Variants in SPPL2B observed in about 807,000 individuals in gnomAD.
SPPL2B encodes signal peptide peptidase like 2B.
SPPL2B carries 39 observed loss-of-function variants against 59.7 expected under a neutral mutation model. The ratio of observed to expected loss-of-function variants is 0.65; its 90% CI spans 0.51 to 0.85. The LOEUF is 0.85. Among genes scored for constraint, SPPL2B ranks in the 40% least tolerant of loss-of-function variants. The pLI is 0.00. For synonymous variants in SPPL2B, 419 were observed against 370.8 expected, an observed-to-expected ratio of 1.13 and a Z score of -1.49; for missense variants, 865 against 849.0, an observed-to-expected ratio of 1.02 and a Z score of -0.23.
rs201607701 is a variant in SPPL2B, at chr19:2,351,485, G to T, written c.1406G>T (p.Arg469Leu). Residue 469 changes from arginine (R) to leucine (L), a missense_variant, in exon 14 of 15, where the codon CGT (arginine) becomes CTT (leucine). Coordinates refer to ENST00000613503, the MANE Select transcript of SPPL2B (RefSeq NM_152988.3). ...TTCGTGGCACTGGCCCTGATGCAGC[G>T]TGGCCAGCCCGCTCTCCTCTACCTG... is the stretch of plus-strand genomic sequence containing the variant. ...VTFVALALMQ[R>L]GQPALLYLVP... The T allele has an allele frequency of 3.1e-6, 5 of 1,610,162 alleles. No homozygotes were observed. The highest frequency in any genetic ancestry group is 4.2e-6 in the Non-Finnish European group (5 of 1,179,316).
intron 14 of SPPL2B, 82 bp from the exon 15 acceptor site, chr19:2,352,864 G>A (rs1970001255): frequency 3.3e-6 from 5 of 1,493,570 alleles, no homozygotes; most frequent in South Asian, 2.4e-5. Context: ...CGTGGCCTGC[G>A]GGTGCTGGGT....
Position 2,344,538 on chromosome 19 carries a change from T to C in SPPL2B, c.1177-15T>C. 2.5e-6 allele frequency: 4 copies of C among 1,607,028 alleles called. No homozygotes were observed. The highest frequency in any genetic ancestry group is 1.3e-5 in the African/African-American group (1 of 74,874). ...GAGGGTCCTGGAGGACATTGTCCTCTTCCCGTCTTTGCAGCTGCCCATGGT... is the reference window on the plus strand; with the variant it reads ...GAGGGTCCTGGAGGACATTGTCCTCCTCCCGTCTTTGCAGCTGCCCATGGT... On this transcript the variant is annotated splice_polypyrimidine_tract_variant and intron_variant, in intron 11 of 14. Coordinates refer to ENST00000613503, the MANE Select transcript of SPPL2B (RefSeq NM_152988.3).
At position 2,353,799 on chromosome 19, in the gene SPPL2B, TG is replaced by T. The variant is rs1970057058; in HGVS notation, c.*594del. On this transcript the variant is annotated 3_prime_UTR_variant, in exon 15 of 15. Coordinates refer to ENST00000613503, the MANE Select transcript of SPPL2B (RefSeq NM_152988.3). ...GAGACAGGCCCGTGGGGCGGGGTTT[TG>T]GGGCGTGAACAAGGCTGGCAGTAAG... 1 of 154,200 alleles carries T rather than the reference TG, an allele frequency of 6.5e-6. No homozygotes were observed. Among genetic ancestry groups the T allele is most frequent in the Non-Finnish European group, 1.4e-5 (1 of 69,528 alleles). 9.6% of individuals were successfully genotyped at this position (154,200 alleles called of 1,614,324 possible).
chr19:2,349,984 G>A (rs1001322986), intron 13 of SPPL2B, among the ~76,000 whole-genome samples: 6 of 134,780 alleles, frequency 4.5e-5, no homozygotes, highest in Non-Finnish European at 7.7e-5. Flanking sequence ...ACACTCACGC[G>A]CTCTCATTTG....
At chr19:2,333,707 TGTTGTCCCC>T (rs1187709048) in intron 1 of SPPL2B, among the ~76,000 whole-genome samples, 1 of 152,220 alleles carries the variant, frequency 6.6e-6, no homozygotes, top group Non-Finnish European at 1.5e-5. Flanking sequence ...GGCTTTGGCC[TGTTGTCCCC>T]GTTGTGTGTC....
At chr19:2,331,430 C>T (rs80292256) in intron 1 of SPPL2B, among the ~76,000 whole-genome samples, 11,970 of 152,232 alleles carry the variant, frequency 0.079, 663 homozygotes, top group Non-Finnish European at 0.12. Flanking sequence ...CTCCAAATTT[C>T]GGTGGGCCTG....
At chr19:2,350,144 C>G (rs1412353505) in intron 13 of SPPL2B, among the ~76,000 whole-genome samples, 1 of 150,610 alleles carries the variant, frequency 6.6e-6, no homozygotes, top group Non-Finnish European at 1.5e-5. Flanking sequence ...TCCGTTCTCT[C>G]TCTCCACACA....
chr19:2,342,964 T>C (rs561836798), intron 8 of SPPL2B: 56 of 535,336 alleles, frequency 1.0e-4, no homozygotes, highest in African/African-American at 1.0e-3. Context: ...TGCCGAGTGG[T>C]GGGCTCCTCT....
intron 13 of SPPL2B, among the ~76,000 whole-genome samples, chr19:2,350,907 G>A (rs895283583): frequency 1.3e-5 from 2 of 152,370 alleles, no homozygotes; most frequent in East Asian, 1.9e-4. Flanking sequence ...CACAGGCTGC[G>A]TTCTCAGGGG....
At chr19:2,347,304 T>C (rs1390629350) in intron 13 of SPPL2B, among the ~76,000 whole-genome samples, 1 of 92,730 alleles carries the variant, frequency 1.1e-5, no homozygotes, top group Non-Finnish European at 2.2e-5. Flanking sequence ...CCGTTCTCCT[T>C]CTCTCCACAC....
intron 1 of SPPL2B, 127 bp from the exon 2 acceptor site, chr19:2,334,475 C>G: frequency 3.0e-6 from 4 of 1,328,930 alleles, no homozygotes; most frequent in Non-Finnish European, 3.0e-6. Flanking sequence ...GGAAGCATCC[C>G]AGACCACCTG....
In SPPL2B at chr19:2,328,731, G is replaced by T. The variant is rs146617207; in HGVS notation, c.22G>T (p.Ala8Ser). ...CGACATGGCGGCAGCGGTGGCGGCT[G>T]CGCTGGCGCGGCTTTTGGCGGCCTT... MAAAVAA[A>S]LARLLAAFLL... is the part of the protein sequence containing the mutation. Residue 8 changes from alanine (A) to serine (S), a missense_variant, in exon 1 of 15, where the codon GCG becomes TCG. By Grantham distance (99) the Ala-to-Ser change is moderately conservative. Transcript: ENST00000613503. The T allele has an allele frequency of 0.035, 51,717 of 1,459,316 alleles. 1,110 individuals are homozygous for T. Among genetic ancestry groups the T allele is most frequent in the Middle Eastern group, 0.072 (361 of 5,010 alleles). 90.4% of individuals were successfully genotyped at this position (1,459,316 alleles called of 1,614,324 possible).
At chr19:2,350,663 G>A (rs991607627) in intron 13 of SPPL2B, among the ~76,000 whole-genome samples, 18 of 152,266 alleles carry the variant, frequency 1.2e-4, no homozygotes, top group African/African-American at 4.1e-4. Context: ...GATTTTTTGG[G>A]CCAGTTTTCC....
chr19:2,351,727 C>A, intron 14 of SPPL2B, 133 bp downstream of exon 14: 2 of 1,253,068 alleles, frequency 1.6e-6, no homozygotes, highest in South Asian at 1.5e-5. Context: ...GTACCTTCTG[C>A]TTTGGGTGTC....
chr19:2,353,096 T>A lies in SPPL2B; in HGVS notation c.1666T>A (p.Ser556Thr). 1 of 1,611,220 alleles carries A rather than the reference T, an allele frequency of 6.2e-7. No individual in the cohort carries two copies. Among genetic ancestry groups the A allele is most frequent in the Middle Eastern group, 1.7e-4 (1 of 6,050 alleles). ...PAEQSPKSRT[S>T]EEMGAGAPMR... The stretch of plus-strand genomic sequence containing the variant: ...TGAGCAGTCCCCAAAATCACGCACG[T>A]CCGAGGAGATGGGGGCTGGAGCCCC... Residue 556 changes from serine (S) to threonine (T), a missense_variant, in exon 15 of 15, where the codon TCC becomes ACC. By Grantham distance (58) the Ser-to-Thr change is moderately conservative. Coordinates refer to ENST00000613503, the MANE Select transcript of SPPL2B (RefSeq NM_152988.3).
rs763956014 is a variant in SPPL2B, at chr19:2,339,250, G to T, written c.599+42G>T. On this transcript the variant is annotated intron_variant, in intron 5 of 14. Coordinates refer to ENST00000613503, the MANE Select transcript of SPPL2B (RefSeq NM_152988.3). ...GCGTGTGCTGTGACGGGGTCGGGCG[G>T]CTCTGACACGGGCCGGGACGGCCAG... 5.1e-6 allele frequency: 8 copies of T among 1,579,522 alleles called. No homozygotes were observed. The African/African-American group carries it at 1.1e-4, about 21-fold the overall frequency.
rs779581961 is a variant in SPPL2B, at chr19:2,337,507, G to A, written c.251G>A (p.Arg84His). ...LLCSAADLPA[R>H]GFSNQIPLVA... ...TGCTCCGCAGCCGACCTCCCCGCCC[G>A]TGGCTTCAGCAACCAGATCCCGCTG... The change falls in exon 3 of 15, where the codon CGT becomes CAT. Residue 84 changes from arginine (R) to histidine (H), a missense_variant. Physicochemically the swap from Arg to His is conservative, Grantham distance 29. Transcript: ENST00000613503. The A allele has an allele frequency of 6.2e-6, 10 of 1,613,272 alleles. No homozygotes were observed. The South Asian group carries it at 6.6e-5, about 11-fold the overall frequency.
intron 14 of SPPL2B, among the ~76,000 whole-genome samples, chr19:2,352,246 G>A (rs1356443671): frequency 2.0e-5 from 3 of 152,236 alleles, no homozygotes; most frequent in East Asian, 3.9e-4. Context: ...GGCGCATTGC[G>A]CCCGAGAGCT....
At chr19:2,352,619 T>C (rs927581173) in intron 14 of SPPL2B, among the ~76,000 whole-genome samples, 1 of 152,114 alleles carries the variant, frequency 6.6e-6, no homozygotes, top group African/African-American at 2.4e-5. Context: ...CCCATTCTGA[T>C]GGGCATTTCA....
Sources: allele counts gnomAD v4.1 joint callset (sites outside exome capture counted in the v4.1 genomes callset), GRCh38; gene constraint gnomAD v4.1.1; transcripts MANE v1.5; gene names NCBI Gene and HGNC (gene_info 2026-07-23, HGNC 2026-07-21).